Variants in SPMIP3 observed in about 807,000 individuals in gnomAD.
SPMIP3 encodes sperm microtubule inner protein 3.
the SPMIP3 span, among the ~76,000 whole-genome samples, chr1:244,374,388 A>C: frequency 6.6e-6 from 1 of 152,114 alleles, no homozygotes; most frequent in Non-Finnish European, 1.5e-5. Flanking sequence ...GTGCTTTGAC[A>C]TCACAGTGCT....
chr1:244,364,168 G>A, the SPMIP3 span, among the ~76,000 whole-genome samples: 1 of 151,734 alleles, frequency 6.6e-6, no homozygotes, highest in South Asian at 2.1e-4. Flanking sequence ...GCAGTGGCAC[G>A]ATCCTGGCTC....
chr1:244,361,247 T>TTTTTTTTTTTA, the SPMIP3 span, among the ~76,000 whole-genome samples: 6 of 148,138 alleles, frequency 4.1e-5, no homozygotes, highest in Admixed American at 6.8e-5. Flanking sequence ...TTTTTTTTTT[T>TTTTTTTTTTTA]GAGATGGAGT....
At chr1:244,376,854 A>G in the SPMIP3 span, among the ~76,000 whole-genome samples, 3 of 151,650 alleles carry the variant, frequency 2.0e-5, no homozygotes, top group African/African-American at 7.3e-5. Flanking sequence ...CTTGTTGCCC[A>G]GGCTGAAGCG....
At chr1:244,355,551 C>A in the SPMIP3 span, among the ~76,000 whole-genome samples, 2 of 151,996 alleles carry the variant, frequency 1.3e-5, no homozygotes, top group African/African-American at 4.8e-5. Flanking sequence ...CCACGCCTGG[C>A]TAATTTTTGT....
chr1:244,357,229 T>C, the SPMIP3 span, among the ~76,000 whole-genome samples: 1 of 58,336 alleles, frequency 1.7e-5, no homozygotes, highest in Non-Finnish European at 5.0e-5. Context: ...CCATGGAGAT[T>C]GAAACAAATA....
chr1:244,380,385 G>A, the SPMIP3 span, among the ~76,000 whole-genome samples: 3 of 152,130 alleles, frequency 2.0e-5, no homozygotes, highest in East Asian at 5.8e-4. Context: ...CTCCCAAAGT[G>A]GTGGGATTAC....
At chr1:244,383,527 T>TA in the SPMIP3 span, among the ~76,000 whole-genome samples, 5 of 151,978 alleles carry the variant, frequency 3.3e-5, no homozygotes, top group Admixed American at 2.6e-4. Flanking sequence ...TAAATAACCA[T>TA]AAAAGTCTAC....
chr1:244,359,276 T>C, the SPMIP3 span, among the ~76,000 whole-genome samples: 712 of 152,222 alleles, frequency 4.7e-3, 22 homozygotes, highest in Non-Finnish European at 1.2e-3. Context: ...CCATTGCTAA[T>C]GCATTTCTCT....
chr1:244,378,760 G>A, the SPMIP3 span: 1 of 1,083,548 alleles, frequency 9.2e-7, no homozygotes, highest in African/African-American at 1.6e-5. Flanking sequence ...TTGGAGGCAT[G>A]GATATGTGTG....
chr1:244,381,020 A>C, the SPMIP3 span, among the ~76,000 whole-genome samples: 40 of 152,032 alleles, frequency 2.6e-4, no homozygotes, highest in African/African-American at 8.9e-4. Flanking sequence ...GCTGGGGCTG[A>C]GGTCAAGGTC....
the SPMIP3 span, among the ~76,000 whole-genome samples, chr1:244,370,550 C>T: frequency 2.0e-5 from 3 of 152,196 alleles, no homozygotes; most frequent in Non-Finnish European, 2.9e-5. Context: ...TCCCTAGTGC[C>T]TAGCCCACTG....
At chr1:244,366,531 G>A in the SPMIP3 span, among the ~76,000 whole-genome samples, 1 of 152,186 alleles carries the variant, frequency 6.6e-6, no homozygotes, top group African/African-American at 2.4e-5. Context: ...CCTTCTTCCA[G>A]AAACTACAGA....
chr1:244,372,650 A>G, the SPMIP3 span, among the ~76,000 whole-genome samples: 1,957 of 152,100 alleles, frequency 0.013, 41 homozygotes, highest in African/African-American at 0.039. Context: ...TCACCGCGTT[A>G]GCCAGGATGG....
chr1:244,388,807 C>A, the SPMIP3 span: 4 of 588,010 alleles, frequency 6.8e-6, no homozygotes, highest in African/African-American at 1.9e-5. Context: ...TGACTGAGTC[C>A]TTTTTCCCAC....
the SPMIP3 span, among the ~76,000 whole-genome samples, chr1:244,369,539 G>C: frequency 6.6e-6 from 1 of 152,116 alleles, no homozygotes; most frequent in Admixed American, 6.5e-5. Context: ...TAAGAGCGGA[G>C]GTTTAATAGG....
At chr1:244,383,587 TA>T in the SPMIP3 span, among the ~76,000 whole-genome samples, 2 of 152,180 alleles carry the variant, frequency 1.3e-5, no homozygotes, top group Non-Finnish European at 2.9e-5. Flanking sequence ...TAGGAGCATA[TA>T]GTAAGTCAGA....
At chr1:244,372,109 G>A in the SPMIP3 span, among the ~76,000 whole-genome samples, 2 of 152,132 alleles carry the variant, frequency 1.3e-5, no homozygotes, top group African/African-American at 4.8e-5. Flanking sequence ...TTCTGTCCAT[G>A]TCTTGGCCCC....
chr1:244,354,128 C>G, the SPMIP3 span, among the ~76,000 whole-genome samples: 3 of 152,286 alleles, frequency 2.0e-5, no homozygotes, highest in East Asian at 1.9e-4. Context: ...CATTTTCTGA[C>G]TATTCTACAA....
chr1:244,381,724 A>G, the SPMIP3 span, among the ~76,000 whole-genome samples: 1 of 152,220 alleles, frequency 6.6e-6, no homozygotes, highest in Non-Finnish European at 1.5e-5. Context: ...TGAGGTGAGA[A>G]GTTCGAGACC....
Sources: gnomAD v4.1 joint callset for allele counts (sites outside exome capture counted in the v4.1 genomes callset) on GRCh38, gnomAD v4.1.1 for gene constraint, MANE v1.5 for transcripts, NCBI Gene and HGNC (gene_info 2026-07-23, HGNC 2026-07-21) for gene names.